GPRC5D: variants seen among roughly 807,000 people sequenced by gnomAD.
GPRC5D encodes the protein G protein-coupled receptor family C group 5 member D.
GPRC5D carries 20 observed loss-of-function variants against 29.3 expected under a neutral mutation model. The ratio of observed to expected loss-of-function variants is 0.68; its 90% CI spans 0.48 to 0.99. The LOEUF is 0.99. Ranked by LOEUF, GPRC5D falls within the 50% of genes least tolerant of loss-of-function variation. The pLI is 0.00. For synonymous variants in GPRC5D, 178 were observed against 171.3 expected (o/e 1.04, Z -0.30); for missense variants, 384 against 423.6 (o/e 0.91, Z 0.82).
At chr12:12,944,448 C>T (rs533059546) in intron 1 of GPRC5D, 2 of 152,234 alleles carry the variant, frequency 1.3e-5, no homozygotes, top group Admixed American at 1.3e-4. Context: ...ATGACACCAC[C>T]TGGGACCATT....
chr12:12,946,325 CT>C (rs1164903387), intron 1 of GPRC5D, among the ~76,000 whole-genome samples: 2 of 146,708 alleles, frequency 1.4e-5, no homozygotes, highest in Admixed American at 1.4e-4. Flanking sequence ...TTCTTTCTTT[CT>C]TTCTTTCTTT....
rs1214580911 is a variant in GPRC5D at position 12,944,807 on chromosome 12, TTCC to T, written c.896-2482_896-2480del. Among the ~76,000 whole-genome samples, 27 of 7,540 alleles carry T rather than the reference TTCC, an allele frequency of 3.6e-3. 3 individuals carry two copies. Among genetic ancestry groups the T allele is most frequent in the East Asian group, 6.9e-3 (1 of 144 alleles). The allele number at this position is 7,540 out of a possible 152,430, so 4.9% of individuals were successfully genotyped here. On this transcript the variant is annotated intron_variant, in intron 1 of 2. Coordinates refer to ENST00000228887, the Ensembl canonical transcript of GPRC5D. ...TTCCTTCCTTCCTTCCTTCCCTTCC[TTCC>T]TTCCTTCCTTCCTTCCTTCCTTCCT...
At chr12:12,949,231 C>A (rs1041533901) in intron 1 of GPRC5D, among the ~76,000 whole-genome samples, 1 of 152,150 alleles carries the variant, frequency 6.6e-6, no homozygotes, top group South Asian at 2.1e-4. Context: ...CAGAGTCATA[C>A]CCTCTTTATT....
chr12:12,949,533 G>C (rs1309949814), exon 1 of GPRC5D: 1 of 1,614,186 alleles, frequency 6.2e-7, no homozygotes, highest in East Asian at 2.2e-5. Flanking sequence ...TGTGTTGGTA[G>C]GCTGTGACGG....
Position 12,945,256 on chromosome 12 carries a change from C to T in GPRC5D, c.896-2928G>A, listed in dbSNP as rs569555968. ...CTGACCTCAGGTGATCCACCCTCCT[C>T]GGCCTCCCAAAGTGCTGGGATCACA... On this transcript the variant is annotated intron_variant, in intron 1 of 2. Transcript: ENST00000228887. Among the ~76,000 whole-genome samples, 132 of 152,176 alleles carry T rather than the reference C, an allele frequency of 8.7e-4. 1 individual carries two copies. The highest frequency in any genetic ancestry group is 2.9e-3 in the African/African-American group (122 of 41,532).
chr12:12,946,428 TTC>T (rs1863346136), intron 1 of GPRC5D, among the ~76,000 whole-genome samples: 1 of 54,624 alleles, frequency 1.8e-5, no homozygotes, highest in Non-Finnish European at 5.7e-5. Context: ...CTCTCTCTCT[TTC>T]TCTCTTTCTC....
intron 1 of GPRC5D, among the ~76,000 whole-genome samples, chr12:12,943,626 TA>T (rs538599134): frequency 2.6e-4 from 40 of 152,128 alleles, no homozygotes; most frequent in Non-Finnish European, 5.3e-4. Context: ...GCTTTTTACT[TA>T]TTTTTTTTAT....
In GPRC5D at chr12:12,949,800, C is replaced by T. The variant is rs145698151; in HGVS notation, c.585G>A (p.Pro195=). Residue 195 remains proline (P), a synonymous_variant, in exon 1 of 3, where the codon CCG becomes CCA. Coordinates refer to ENST00000228887, the Ensembl canonical transcript of GPRC5D. ...TTCCATGCTGCTTCCAGTTCTCACA[C>T]GGGCCACAGAAGGTGGCTTTGGAGA... 256 of 1,614,016 alleles carry T rather than the reference C, an allele frequency of 1.6e-4. 3 individuals are homozygous for T. In the African/African-American group the frequency reaches 2.8e-3, roughly 17 times the overall value.
chr12:12,946,755 A>G (rs1010021938), intron 1 of GPRC5D, among the ~76,000 whole-genome samples: 4 of 151,994 alleles, frequency 2.6e-5, no homozygotes, highest in African/African-American at 9.7e-5. Flanking sequence ...GCGCCCGGCC[A>G]TACTTGTGAA....
At chr12:12,949,377 C>G in intron 1 of GPRC5D, 113 bp downstream of exon 2, 2 of 908,382 alleles carry the variant, frequency 2.2e-6, no homozygotes, top group Non-Finnish European at 3.4e-6. Flanking sequence ...GCCACCCACC[C>G]CAAATCTGAC....
intron 1 of GPRC5D, chr12:12,944,560 GA>G (rs1395792390): frequency 7.9e-5 from 12 of 152,128 alleles, no homozygotes; most frequent in African/African-American, 2.6e-4. Context: ...GAAACAACCA[GA>G]AGGGCTTATG....
At chr12:12,943,549 G>A (rs1863204765) in intron 1 of GPRC5D, among the ~76,000 whole-genome samples, 1 of 152,230 alleles carries the variant, frequency 6.6e-6, no homozygotes, top group South Asian at 2.1e-4. Context: ...TATCCTTTGT[G>A]TATGATTATT....
rs1565480312 is a variant in GPRC5D at position 12,949,685 on chromosome 12, G to A, written c.700C>T (p.Gln234Ter). The A allele has an allele frequency of 3.7e-6, 6 of 1,614,044 alleles. No individual in the cohort carries two copies. Among genetic ancestry groups the A allele is most frequent in the Non-Finnish European group, 5.1e-6 (6 of 1,180,004 alleles). ...ACGACCGGGTCGTCCCACTGGGGCT[G>A]TCGCTGGAACTGCGGGTTGCCTCTC... Residue 234 changes from glutamine (Q) to a stop codon, truncating the protein, a stop_gained, in exon 1 of 3, where the codon CAG (glutamine) becomes TAG (stop). Coordinates refer to ENST00000228887, the Ensembl canonical transcript of GPRC5D. LOFTEE classifies it high-confidence loss of function.
upstream of GPRC5D, among the ~76,000 whole-genome samples, chr12:12,951,717 C>T (rs770259189): frequency 7.9e-5 from 12 of 152,136 alleles, no homozygotes; most frequent in African/African-American, 2.9e-4. Context: ...ATCATTGGAT[C>T]GTTCTAGACA....
chr12:12,944,818 C>CT (rs1312949868), intron 1 of GPRC5D, among the ~76,000 whole-genome samples: 421 of 18,306 alleles, frequency 0.023, 50 homozygotes, highest in African/African-American at 0.04. Flanking sequence ...TCCTTCCTTC[C>CT]TTCCTTCCTT....
At chr12:12,951,578 T>C (rs1863497466), upstream of GPRC5D, among the ~76,000 whole-genome samples, 1 of 152,246 alleles carries the variant, frequency 6.6e-6, no homozygotes, top group Non-Finnish European at 1.5e-5. Flanking sequence ...CATTTGTGTA[T>C]GCTAATTTCC....
At chr12:12,950,303 A>T in exon 1 of GPRC5D, 1 of 1,612,346 alleles carries the variant, frequency 6.2e-7, no homozygotes, top group South Asian at 1.1e-5. Flanking sequence ...ATGGCCAGGG[A>T]CTCCAGAATG....
chr12:12,942,307 T>C, exon 2 of GPRC5D: 4 of 1,612,964 alleles, frequency 2.5e-6, no homozygotes, highest in Non-Finnish European at 3.4e-6. Flanking sequence ...TACATCCTCC[T>C]CAGCTCCATC....
rs756643360 is a variant in GPRC5D, at chr12:12,950,105, A to G, written c.280T>C (p.Phe94Leu). 6.8e-6 allele frequency: 11 copies of G among 1,614,158 alleles called. No individual in the cohort carries two copies. The highest frequency in any genetic ancestry group is 3.3e-4 in the Middle Eastern group (2 of 6,062). Reference sequence around the variant, plus strand: ...AGAGCAAAGAGAACCCCAAAGAGAAAGTAGCGTACGGGGGCAGTTTGTTGA... The same window carrying G: ...AGAGCAAAGAGAACCCCAAAGAGAAGGTAGCGTACGGGGGCAGTTTGTTGA... Residue 94 changes from phenylalanine to leucine, a missense_variant, in exon 1 of 3, where the codon TTT (phenylalanine) becomes CTT (leucine). Coordinates refer to ENST00000228887, the Ensembl canonical transcript of GPRC5D.
Sources: gnomAD v4.1 joint callset for allele counts (sites outside exome capture counted in the v4.1 genomes callset) on GRCh38, gnomAD v4.1.1 for gene constraint, MANE v1.5 for transcripts, NCBI Gene and HGNC (gene_info 2026-07-23, HGNC 2026-07-21) for gene names.